The following GALK2 variants were observed in gnomAD, a reference collection of about 807,000 sequenced individuals.
GALK2 encodes the protein galactokinase 2, also known as N-acetylgalactosamine kinase.
In GALK2, 36 loss-of-function variants were observed where a neutral mutation model predicts 52.4. The observed-to-expected ratio is 0.69, with a 90% CI of 0.53 to 0.91. The LOEUF (loss-of-function observed/expected upper bound fraction) is 0.91. Ranked by LOEUF, GALK2 falls within the 40% of genes least tolerant of loss-of-function variation. The pLI is 0.00. For synonymous variants in GALK2, 176 were observed against 199.1 expected (o/e 0.88, Z 0.98); for missense variants, 579 against 559.1 (o/e 1.04, Z -0.36).
At chr15:49,247,025 T>G (rs900747947) in intron 5 of GALK2, among the ~76,000 whole-genome samples, 1 of 152,040 alleles carries the variant, frequency 6.6e-6, no homozygotes, top group Admixed American at 6.5e-5. Flanking sequence ...AGCTAGGCCG[T>G]AGTTAAGGGA....
In GALK2 at chr15:49,329,633, A is replaced by C. The variant is rs2038215588; in HGVS notation, c.*1474A>C. 1.0e-6 allele frequency: 1 copy of C among 984,942 alleles called. No individual in the cohort carries two copies. The highest frequency in any genetic ancestry group is 1.2e-6 in the Non-Finnish European group (1 of 829,588). 61.0% of individuals were successfully genotyped at this position (984,942 alleles called of 1,614,324 possible). On this transcript the variant is annotated 3_prime_UTR_variant, in exon 10 of 10. Transcript: ENST00000560031. ...ATTTTCATTCTTAGCAGAAAGGTAAATGCTTGAGAAAGCTTGAGTCAAATT... is the reference window on the plus strand; with the variant it reads ...ATTTTCATTCTTAGCAGAAAGGTAACTGCTTGAGAAAGCTTGAGTCAAATT...
intron 7 of GALK2, among the ~76,000 whole-genome samples, chr15:49,291,050 G>C (rs1444546800): frequency 6.6e-6 from 1 of 152,106 alleles, no homozygotes. Context: ...CTGCCTCCTG[G>C]GTTCAAGCAA....
intron 6 of GALK2, 21 bp downstream of exon 6, chr15:49,282,106 G>T (rs769256276): frequency 8.3e-6 from 13 of 1,558,414 alleles, no homozygotes; most frequent in African/African-American, 1.4e-5. Context: ...TTCCAAGTAG[G>T]AACCATTCAG....
chr15:49,226,471 A>G (rs2141429421), intron 3 of GALK2, among the ~76,000 whole-genome samples: 1 of 152,188 alleles, frequency 6.6e-6, no homozygotes, highest in Non-Finnish European at 1.5e-5. Context: ...CTTAATTTTT[A>G]GTCTCGTTCA....
chr15:49,266,662 A>G (rs2092372432), intron 5 of GALK2, among the ~76,000 whole-genome samples: 1 of 152,238 alleles, frequency 6.6e-6, no homozygotes. Flanking sequence ...TTTCTGAAGA[A>G]GGAACTCTAG....
At chr15:49,178,210 T>G (rs1595892362) in intron 1 of GALK2, among the ~76,000 whole-genome samples, 1 of 113,456 alleles carries the variant, frequency 8.8e-6, no homozygotes, top group African/African-American at 3.3e-5. Context: ...TATATATATA[T>G]ATATATATAT....
intron 7 of GALK2, among the ~76,000 whole-genome samples, chr15:49,286,549 G>A (rs1472735561): frequency 6.6e-6 from 1 of 152,050 alleles, no homozygotes; most frequent in Non-Finnish European, 1.5e-5. Context: ...GGAATATTTG[G>A]GGGGCATACA....
chr15:49,265,477 C>A (rs560938858), intron 5 of GALK2, among the ~76,000 whole-genome samples: 2 of 152,354 alleles, frequency 1.3e-5, no homozygotes, highest in East Asian at 3.9e-4. Context: ...TGTCTGTCAC[C>A]CCTTTCTTTG....
chr15:49,281,109 A>C (rs2141755344), intron 5 of GALK2, among the ~76,000 whole-genome samples: 1 of 152,372 alleles, frequency 6.6e-6, no homozygotes, highest in South Asian at 2.1e-4. Flanking sequence ...TGCTGGGATT[A>C]CAGGCGTAAG....
rs755954501 is a variant in GALK2, at chr15:49,217,318, G to A, written c.266+5G>A. ...CAATACAAATCCCTTGTATCCGTGAGTATTTAAAATTGTTAGTGTGTGTGT... is the reference window on the plus strand; with the variant it reads ...CAATACAAATCCCTTGTATCCGTGAATATTTAAAATTGTTAGTGTGTGTGT... On this transcript the variant is annotated splice_donor_5th_base_variant and intron_variant, in intron 3 of 9. Coordinates refer to ENST00000560031, the MANE Select transcript of GALK2 (RefSeq NM_002044.4). 10 of 1,613,422 alleles carry A rather than the reference G, an allele frequency of 6.2e-6. No individual in the cohort carries two copies. Among genetic ancestry groups the A allele is most frequent in the African/African-American group, 1.3e-5 (1 of 74,878 alleles).
chr15:49,171,139 G>A (rs139572059), intron 1 of GALK2, among the ~76,000 whole-genome samples: 10,072 of 143,788 alleles, frequency 0.07, 721 homozygotes, highest in African/African-American at 0.18. Context: ...CTGGAGTGCA[G>A]TGGCGCCATC....
chr15:49,201,011 T>C, intron 1 of GALK2, 151 bp from the exon 2 acceptor site: 1 of 446,470 alleles, frequency 2.2e-6, no homozygotes, highest in Non-Finnish European at 3.9e-6. Context: ...GAAATTTTGC[T>C]TTTATTCTTT....
At chr15:49,266,355 A>T (rs1279640654) in intron 5 of GALK2, among the ~76,000 whole-genome samples, 1 of 152,178 alleles carries the variant, frequency 6.6e-6, no homozygotes, top group Non-Finnish European at 1.5e-5. Flanking sequence ...GTGGAACTGC[A>T]AAGTCACATT....
chr15:49,226,441 G>T (rs759658008), intron 3 of GALK2, among the ~76,000 whole-genome samples: 23 of 152,212 alleles, frequency 1.5e-4, no homozygotes, highest in Middle Eastern at 3.4e-3. Context: ...TCTAAGATTT[G>T]CTCAAAGTTT....
At chr15:49,222,653 G>A (rs865878663) in intron 3 of GALK2, among the ~76,000 whole-genome samples, 1 of 152,142 alleles carries the variant, frequency 6.6e-6, no homozygotes, top group Admixed American at 6.6e-5. Context: ...AGATGATTAT[G>A]TGGTTTCTGT....
upstream of GALK2, among the ~76,000 whole-genome samples, chr15:49,166,608 G>C (rs186292821): frequency 1.3e-5 from 2 of 152,130 alleles, no homozygotes; most frequent in African/African-American, 4.8e-5. Flanking sequence ...TACTCGGGAG[G>C]CTGAGGCAGG....
At chr15:49,179,704 A>G (rs2085811317) in intron 1 of GALK2, among the ~76,000 whole-genome samples, 1 of 149,792 alleles carries the variant, frequency 6.7e-6, no homozygotes, top group African/African-American at 2.5e-5. Flanking sequence ...TCAGAGCACC[A>G]GAGTCAGCAA....
chr15:49,240,013 A>G (rs1435345349), intron 5 of GALK2, among the ~76,000 whole-genome samples: 3 of 152,234 alleles, frequency 2.0e-5, no homozygotes, highest in African/African-American at 7.2e-5. Context: ...ATATACTACC[A>G]GGTTTACGGA....
At chr15:49,155,873 C>A in exon 1 of GALK2, 1 of 1,079,636 alleles carries the variant, frequency 9.3e-7, no homozygotes, top group South Asian at 1.4e-5. Context: ...TCGCATCGAG[C>A]AGTTTCCAGC....
Sources: gnomAD v4.1 joint callset for allele counts (sites outside exome capture counted in the v4.1 genomes callset) on GRCh38, gnomAD v4.1.1 for gene constraint, MANE v1.5 for transcripts, NCBI Gene and HGNC (gene_info 2026-07-23, HGNC 2026-07-21) for gene names.